The following PABPC4L variants were observed in gnomAD, a reference collection of about 807,000 sequenced individuals.
The protein encoded by PABPC4L is polyadenylate-binding protein 4-like.
For missense variants in PABPC4L, 452 were observed against 451.4 expected (o/e 1.00, Z -0.01); for synonymous variants, 169 against 164.1 (o/e 1.03, Z -0.23).
the PABPC4L span, among the ~76,000 whole-genome samples, chr4:134,101,729 G>C: frequency 6.6e-6 from 1 of 151,380 alleles, no homozygotes; most frequent in African/African-American, 2.4e-5. Context: ...TATTTAGATT[G>C]ATTGGTGGAA....
the PABPC4L span, among the ~76,000 whole-genome samples, chr4:133,980,910 A>AGTGGGC: frequency 6.6e-6 from 1 of 152,062 alleles, no homozygotes; most frequent in Non-Finnish European, 1.5e-5. Context: ...GTAATCCCAA[A>AGTGGGC]ACTTTGGGAG....
At chr4:134,194,003 A>G (rs966365540), downstream of PABPC4L, among the ~76,000 whole-genome samples, 1 of 151,884 alleles carries the variant, frequency 6.6e-6, no homozygotes, top group African/African-American at 2.4e-5. Flanking sequence ...TTTTCAGGCG[A>G]TATATTGGCT....
At chr4:133,990,699 G>T in the PABPC4L span, among the ~76,000 whole-genome samples, 10 of 152,124 alleles carry the variant, frequency 6.6e-5, no homozygotes, top group Admixed American at 2.6e-4. Flanking sequence ...CAAAGGCTTG[G>T]TGCAAACACA....
At chr4:134,040,841 A>G in the PABPC4L span, among the ~76,000 whole-genome samples, 1 of 152,192 alleles carries the variant, frequency 6.6e-6, no homozygotes, top group African/African-American at 2.4e-5. Context: ...ACAAAGGGCA[A>G]TTATCCAGAA....
chr4:134,043,904 A>ATG, the PABPC4L span, among the ~76,000 whole-genome samples: 23,350 of 147,520 alleles, frequency 0.16, 1,986 homozygotes, highest in Non-Finnish European at 0.2. Flanking sequence ...CTGTATATAT[A>ATG]TGTGTGTGTG....
At chr4:134,032,839 TTA>T in the PABPC4L span, among the ~76,000 whole-genome samples, 1 of 151,798 alleles carries the variant, frequency 6.6e-6, no homozygotes, top group Admixed American at 6.6e-5. Flanking sequence ...AATACTTACT[TTA>T]TTATAAGATG....
the PABPC4L span, among the ~76,000 whole-genome samples, chr4:134,142,152 C>G: frequency 6.6e-6 from 1 of 151,520 alleles, no homozygotes; most frequent in Non-Finnish European, 1.5e-5. Flanking sequence ...CTAAGTAGTC[C>G]CAAGTTTTTC....
At chr4:133,955,729 G>A in the PABPC4L span, among the ~76,000 whole-genome samples, 1 of 152,144 alleles carries the variant, frequency 6.6e-6, no homozygotes, top group African/African-American at 2.4e-5. Context: ...CCAGTTTCTG[G>A]AATGCATATT....
chr4:134,038,027 T>A, the PABPC4L span, among the ~76,000 whole-genome samples: 1 of 152,090 alleles, frequency 6.6e-6, no homozygotes, highest in Admixed American at 6.6e-5. Flanking sequence ...GAGTTTTTAG[T>A]ATGAAGGGCT....
chr4:134,053,570 A>C, the PABPC4L span, among the ~76,000 whole-genome samples: 3 of 152,034 alleles, frequency 2.0e-5, no homozygotes, highest in Non-Finnish European at 4.4e-5. Flanking sequence ...AACACCAAAA[A>C]CAAACAATAA....
the PABPC4L span, among the ~76,000 whole-genome samples, chr4:134,125,064 C>A: frequency 2.0e-5 from 3 of 152,156 alleles, no homozygotes; most frequent in African/African-American, 7.2e-5. Context: ...CTGTATTAAC[C>A]TTAAAGTTTT....
At chr4:133,976,721 T>G in the PABPC4L span, among the ~76,000 whole-genome samples, 2 of 152,110 alleles carry the variant, frequency 1.3e-5, no homozygotes, top group Non-Finnish European at 2.9e-5. Flanking sequence ...GTGATATTGA[T>G]CTTTTTTTCA....
the PABPC4L span, among the ~76,000 whole-genome samples, chr4:134,189,751 T>G: frequency 2.0e-5 from 3 of 152,154 alleles, 1 homozygote; most frequent in Non-Finnish European, 4.4e-5. Flanking sequence ...CTTTCATTTT[T>G]CTTTTTGTTG....
chr4:133,991,493 T>C, the PABPC4L span, among the ~76,000 whole-genome samples: 76 of 152,322 alleles, frequency 5.0e-4, no homozygotes, highest in Admixed American at 5.0e-3. Flanking sequence ...CTTGAGGGCT[T>C]GCAGGCATGT....
At chr4:134,052,201 T>G in the PABPC4L span, among the ~76,000 whole-genome samples, 3 of 152,036 alleles carry the variant, frequency 2.0e-5, no homozygotes, top group African/African-American at 7.2e-5. Context: ...CAAAGTAGGT[T>G]GTTCATTGCC....
At chr4:134,054,169 C>A in the PABPC4L span, among the ~76,000 whole-genome samples, 1 of 147,374 alleles carries the variant, frequency 6.8e-6, no homozygotes, top group South Asian at 2.1e-4. Flanking sequence ...ATCTTCAAGT[C>A]TATGAATTTC....
chr4:133,979,506 G>T, the PABPC4L span, among the ~76,000 whole-genome samples: 1 of 152,112 alleles, frequency 6.6e-6, no homozygotes, highest in East Asian at 1.9e-4. Flanking sequence ...TCCAACAGAT[G>T]CAATACAGAC....
the PABPC4L span, among the ~76,000 whole-genome samples, chr4:134,129,027 C>T: frequency 6.6e-6 from 1 of 152,008 alleles, no homozygotes; most frequent in South Asian, 2.1e-4. Flanking sequence ...ATTAGCTATT[C>T]TTATATCAGA....
the PABPC4L span, among the ~76,000 whole-genome samples, chr4:133,975,674 A>G: frequency 6.6e-6 from 1 of 152,096 alleles, no homozygotes; most frequent in South Asian, 2.1e-4. Flanking sequence ...CCTAACCCCC[A>G]TTATAACAGA....
Sources: gnomAD v4.1 joint callset for allele counts (sites outside exome capture counted in the v4.1 genomes callset) on GRCh38, gnomAD v4.1.1 for gene constraint, MANE v1.5 for transcripts, NCBI Gene and HGNC (gene_info 2026-07-23, HGNC 2026-07-21) for gene names.